Variants in CRYBG1 observed in about 807,000 individuals in gnomAD.
CRYBG1 encodes the protein beta/gamma crystallin domain-containing protein 1.
Under a neutral mutation model 189.2 loss-of-function variants are expected in CRYBG1, and 139 were observed. The observed-to-expected ratio is 0.73, with a 90% confidence interval of 0.64 to 0.85. The LOEUF is 0.85. Among genes scored for constraint, CRYBG1 ranks in the 40% least tolerant of loss-of-function variants. The pLI is 0.00. For synonymous variants in CRYBG1, 1,023 were observed against 1,017.1 expected (o/e 1.01, Z -0.11); for missense variants, 2,611 against 2,675.8 (o/e 0.98, Z 0.53).
At chr6:106,440,599 C>T (rs910809304) in intron 1 of CRYBG1, among the ~76,000 whole-genome samples, 1 of 152,166 alleles carries the variant, frequency 6.6e-6, no homozygotes, top group Non-Finnish European at 1.5e-5. Flanking sequence ...CTTTGTTTCC[C>T]CTTTCATTCC....
intron 1 of CRYBG1, among the ~76,000 whole-genome samples, chr6:106,439,442 A>C (rs1771529564): frequency 6.6e-6 from 1 of 152,194 alleles, no homozygotes; most frequent in South Asian, 2.1e-4. Context: ...TTTTAACTGA[A>C]GAATATGAAT....
At chr6:106,444,841 G>A (rs1387835536) in intron 1 of CRYBG1, among the ~76,000 whole-genome samples, 1 of 152,130 alleles carries the variant, frequency 6.6e-6, no homozygotes, top group East Asian at 1.9e-4. Context: ...CCAGCCTTCA[G>A]GCTGCCATTT....
intron 2 of CRYBG1, among the ~76,000 whole-genome samples, chr6:106,459,233 G>T (rs1771952564): frequency 6.6e-6 from 1 of 152,074 alleles, no homozygotes; most frequent in South Asian, 2.1e-4. Context: ...CTGACTATGG[G>T]TGCTCTTTAT....
intron 2 of CRYBG1, among the ~76,000 whole-genome samples, chr6:106,469,032 GT>G (rs1305923612): frequency 5.9e-5 from 9 of 152,144 alleles, no homozygotes; most frequent in Admixed American, 3.9e-4. Context: ...TTTCTCTGTG[GT>G]TTTACAGGCC....
chr6:106,504,183 C>A (rs1165053910), intron 2 of CRYBG1, among the ~76,000 whole-genome samples: 1 of 152,042 alleles, frequency 6.6e-6, no homozygotes, highest in African/African-American at 2.4e-5. Flanking sequence ...ATATTAGAAG[C>A]AGCATGGGGC....
At chr6:106,375,417 G>GTAAATAAATAAA (rs1491556320) in intron 1 of CRYBG1, among the ~76,000 whole-genome samples, 27 of 133,442 alleles carry the variant, frequency 2.0e-4, no homozygotes, top group East Asian at 9.9e-4. Context: ...AAGTAAGTAA[G>GTAAATAAATAAA]TAAGTAAATA....
chr6:106,457,514 A>C (rs1198265390), intron 2 of CRYBG1, among the ~76,000 whole-genome samples: 1 of 152,200 alleles, frequency 6.6e-6, no homozygotes, highest in Non-Finnish European at 1.5e-5. Flanking sequence ...AAACCATAGC[A>C]CTACCTAAGG....
intron 1 of CRYBG1, among the ~76,000 whole-genome samples, chr6:106,383,224 C>T (rs747691131): frequency 6.6e-6 from 1 of 152,128 alleles, no homozygotes; most frequent in Non-Finnish European, 1.5e-5. Flanking sequence ...GTGTAAAAAG[C>T]AGATTTCTGT....
At chr6:106,395,977 T>C (rs1276583172) in intron 1 of CRYBG1, among the ~76,000 whole-genome samples, 1 of 152,174 alleles carries the variant, frequency 6.6e-6, no homozygotes, top group Non-Finnish European at 1.5e-5. Flanking sequence ...AACCCATCCC[T>C]GGATCCAACC....
intron 1 of CRYBG1, among the ~76,000 whole-genome samples, chr6:106,378,800 C>T (rs1305840553): frequency 6.6e-6 from 1 of 152,094 alleles, no homozygotes; most frequent in Non-Finnish European, 1.5e-5. Context: ...TCTTTTCTTC[C>T]TCCTCCTCCT....
At chr6:106,531,819 A>G (rs1773881007) in intron 8 of CRYBG1, among the ~76,000 whole-genome samples, 1 of 152,262 alleles carries the variant, frequency 6.6e-6, no homozygotes, top group African/African-American at 2.4e-5. Context: ...TTCTTTCCCT[A>G]TGGCAGCCCG....
At chr6:106,451,558 G>A in intron 1 of CRYBG1, 136 bp from the exon 2 acceptor site, 1 of 866,432 alleles carries the variant, frequency 1.2e-6, no homozygotes, top group Non-Finnish European at 1.7e-6. Context: ...ACAACGCCGT[G>A]TAGGTTTTGA....
In CRYBG1 at chr6:106,570,989, T is replaced by C. The variant is rs1730040648; in HGVS notation, c.*2423T>C. 1 of 152,210 alleles carries C rather than the reference T, an allele frequency of 6.6e-6. No individual in the cohort carries two copies. The highest frequency in any genetic ancestry group is 1.5e-5 in the Non-Finnish European group (1 of 68,042). 9.4% of individuals were successfully genotyped at this position (152,210 alleles called of 1,614,324 possible). ...GTAAATGAATATTCGAAGTGCACAC[T>C]GCAATGGGTTGATTGGAGAGATATC... On this transcript the variant is annotated 3_prime_UTR_variant, in exon 22 of 22. Coordinates refer to ENST00000633556, the MANE Select transcript of CRYBG1 (RefSeq NM_001371242.2).
chr6:106,517,427 T>C (rs1773461492), intron 3 of CRYBG1, among the ~76,000 whole-genome samples: 1 of 108,852 alleles, frequency 9.2e-6, no homozygotes, highest in Non-Finnish European at 2.0e-5. Flanking sequence ...TACACATATA[T>C]ATACACACAC....
intron 1 of CRYBG1, among the ~76,000 whole-genome samples, chr6:106,398,435 C>A (rs1476065191): frequency 6.6e-6 from 1 of 151,840 alleles, no homozygotes; most frequent in Non-Finnish European, 1.5e-5. Flanking sequence ...CAGAGCCAGA[C>A]CTTGTCTCAA....
intron 1 of CRYBG1, among the ~76,000 whole-genome samples, chr6:106,408,928 CA>C (rs202028320): frequency 0.012 from 1,890 of 152,264 alleles, 38 homozygotes; most frequent in African/African-American, 0.043. Context: ...ACTGAATGGA[CA>C]AAAGCTGGAA....
At chr6:106,490,972 C>A (rs1393749238) in intron 2 of CRYBG1, among the ~76,000 whole-genome samples, 3 of 152,160 alleles carry the variant, frequency 2.0e-5, no homozygotes, top group African/African-American at 7.2e-5. Context: ...GCAGGTCTTC[C>A]TCTAATTGCT....
At position 106,519,542 on chromosome 6, in the gene CRYBG1, T is replaced by C; in HGVS notation, c.2334T>C (p.Gly778=). 6.2e-7 allele frequency: 1 copy of C among 1,614,152 alleles called. No individual in the cohort carries two copies. The highest frequency in any genetic ancestry group is 2.2e-5 in the East Asian group (1 of 44,890). Residue 778 remains glycine (G), a synonymous_variant, in exon 4 of 22, where the codon GGT becomes GGC. Coordinates refer to ENST00000633556, the MANE Select transcript of CRYBG1 (RefSeq NM_001371242.2). ...ACTCTTCTGAGAATCAAGCTCTTGGTCCTCAGCCTAACCAAGATGATAAAG... is the reference window on the plus strand; with the variant it reads ...ACTCTTCTGAGAATCAAGCTCTTGGCCCTCAGCCTAACCAAGATGATAAAG... ...NGDSSENQAL[G]PQPNQDDKAD...
rs144517797 is a variant in CRYBG1 at position 106,483,081 on chromosome 6, A to C, written c.313-28349A>C. On this transcript the variant is annotated intron_variant, in intron 2 of 21. Transcript: ENST00000633556. ...TACTGTGATGTTATAGAAAATCAGA[A>C]CTTACTCTTTCTATCTAATTGTCAC... Among the ~76,000 whole-genome samples, 242 of 152,230 alleles carry C rather than the reference A, an allele frequency of 1.6e-3. 1 individual carries two copies. The highest frequency in any genetic ancestry group is 5.5e-3 in the African/African-American group (230 of 41,546).
Sources: allele counts gnomAD v4.1 joint callset (sites outside exome capture counted in the v4.1 genomes callset), GRCh38; gene constraint gnomAD v4.1.1; transcripts MANE v1.5; gene names NCBI Gene and HGNC (gene_info 2026-07-23, HGNC 2026-07-21).